Variants in KCNIP4 observed in about 807,000 individuals in gnomAD.
KCNIP4 encodes Kv channel-interacting protein 4.
KCNIP4 carries 12 observed loss-of-function variants against 34.0 expected under a neutral mutation model. The observed-to-expected ratio is 0.35, with a 90% confidence interval of 0.23 to 0.57. The LOEUF (loss-of-function observed/expected upper bound fraction) is 0.57, where lower values mean the gene tolerates loss of function less well. Ranked by LOEUF, KCNIP4 falls within the 20% of genes least tolerant of loss-of-function variation. The probability of loss-of-function intolerance (pLI) is 0.83; values close to 1 mark genes in which losing one functional copy is unlikely to be tolerated. For synonymous variants in KCNIP4, 124 were observed against 102.2 expected, an observed-to-expected ratio of 1.21 and a Z score of -1.29; for missense variants, 238 against 311.7, an observed-to-expected ratio of 0.76 and a Z score of 1.78.
chr4:21,316,107 G>A (rs940706496), intron 1 of KCNIP4, among the ~76,000 whole-genome samples: 1 of 152,130 alleles, frequency 6.6e-6, no homozygotes, highest in African/African-American at 2.4e-5. Context: ...TTGGGTGGAG[G>A]CTTTCATGAG....
At chr4:21,124,117 A>AATAT (rs1553941955) in intron 1 of KCNIP4, among the ~76,000 whole-genome samples, 1 of 152,050 alleles carries the variant, frequency 6.6e-6, no homozygotes, top group African/African-American at 2.4e-5. Flanking sequence ...CATTTTTAAA[A>AATAT]ATATATATAT....
chr4:20,856,898 C>A (rs888768500), intron 2 of KCNIP4, among the ~76,000 whole-genome samples: 3 of 152,164 alleles, frequency 2.0e-5, no homozygotes, highest in African/African-American at 7.2e-5. Flanking sequence ...GGATTAAATT[C>A]TGGGCCTTTG....
chr4:21,481,386 G>A (rs756753595), intron 1 of KCNIP4, among the ~76,000 whole-genome samples: 2 of 152,092 alleles, frequency 1.3e-5, no homozygotes, highest in African/African-American at 4.8e-5. Flanking sequence ...AGGAAGGAAA[G>A]GGGACGCCTG....
rs73802488 is a variant in KCNIP4, at chr4:21,103,264, G to C, written c.62-220555C>G. Among the ~76,000 whole-genome samples, 741 of 147,694 alleles carry C rather than the reference G, an allele frequency of 5.0e-3. 7 individuals are homozygous for C. The highest frequency in any genetic ancestry group is 0.017 in the African/African-American group (674 of 40,472). On this transcript the variant is annotated intron_variant, in intron 1 of 8. Transcript: ENST00000382152. Reference sequence around the variant, plus strand: ...AAAGTTAAGTAAATTTATGTTTCTAGTAGGTTTTTCATGATAATTACATGA... The same window carrying C: ...AAAGTTAAGTAAATTTATGTTTCTACTAGGTTTTTCATGATAATTACATGA...
At chr4:21,306,060 T>C (rs1160897407) in intron 1 of KCNIP4, among the ~76,000 whole-genome samples, 1 of 152,132 alleles carries the variant, frequency 6.6e-6, no homozygotes, top group Non-Finnish European at 1.5e-5. Context: ...ATAATAAAAG[T>C]CATCAATGAT....
chr4:21,839,288 G>A (rs758416843), intron 1 of KCNIP4, among the ~76,000 whole-genome samples: 4 of 152,106 alleles, frequency 2.6e-5, no homozygotes, highest in Non-Finnish European at 5.9e-5. Context: ...TTATCTAAAT[G>A]TAACAATGAT....
At chr4:21,393,716 A>C (rs1444682167) in intron 1 of KCNIP4, among the ~76,000 whole-genome samples, 1 of 151,126 alleles carries the variant, frequency 6.6e-6, no homozygotes, top group Non-Finnish European at 1.5e-5. Context: ...TTAGAATCAC[A>C]CTATGATGTT....
intron 1 of KCNIP4, among the ~76,000 whole-genome samples, chr4:21,269,226 A>C (rs1336822692): frequency 3.3e-5 from 5 of 152,198 alleles, no homozygotes; most frequent in Admixed American, 6.5e-5. Context: ...TGCTAATGAT[A>C]GAAGAGACAG....
intron 1 of KCNIP4, among the ~76,000 whole-genome samples, chr4:21,416,514 A>G (rs1185574842): frequency 6.6e-6 from 1 of 152,224 alleles, no homozygotes; most frequent in Non-Finnish European, 1.5e-5. Flanking sequence ...ACAAAGGAAC[A>G]AGTGGCAATT....
At chr4:21,224,578 GT>G (rs765906146) in intron 1 of KCNIP4, among the ~76,000 whole-genome samples, 903 of 44,860 alleles carry the variant, frequency 0.02, 5 homozygotes, top group African/African-American at 0.049. Context: ...TTTTTCAACT[GT>G]TTTTTTTTTT....
At chr4:20,947,069 C>T (rs532110694) in intron 1 of KCNIP4, among the ~76,000 whole-genome samples, 3 of 152,284 alleles carry the variant, frequency 2.0e-5, no homozygotes, top group East Asian at 1.9e-4. Context: ...CCCCTAAGCT[C>T]CCCTTAGTCT....
intron 1 of KCNIP4, among the ~76,000 whole-genome samples, chr4:20,997,678 A>C (rs1024882098): frequency 6.6e-6 from 1 of 152,152 alleles, no homozygotes; most frequent in Non-Finnish European, 1.5e-5. Flanking sequence ...TGACCATGGC[A>C]TCTACCCAAC....
At chr4:21,217,182 A>G (rs1051904298) in intron 1 of KCNIP4, among the ~76,000 whole-genome samples, 1 of 152,226 alleles carries the variant, frequency 6.6e-6, no homozygotes, top group Non-Finnish European at 1.5e-5. Flanking sequence ...CTGCAGAGCT[A>G]GCATTCAAAA....
At chr4:21,002,854 G>A (rs141832446) in intron 1 of KCNIP4, among the ~76,000 whole-genome samples, 42 of 152,220 alleles carry the variant, frequency 2.8e-4, no homozygotes, top group African/African-American at 9.9e-4. Context: ...TAACCTCTCT[G>A]GCTTCTGTGT....
At chr4:21,555,353 A>T (rs147646198) in intron 1 of KCNIP4, among the ~76,000 whole-genome samples, 56 of 152,236 alleles carry the variant, frequency 3.7e-4, no homozygotes, top group African/African-American at 1.3e-3. Context: ...AAATCTGTGA[A>T]CCATCCCACA....
chr4:21,360,692 C>A (rs1041368495), intron 1 of KCNIP4, among the ~76,000 whole-genome samples: 1 of 151,924 alleles, frequency 6.6e-6, no homozygotes, highest in African/African-American at 2.4e-5. Context: ...CTAAAAATTC[C>A]CCACAGTGCA....
At chr4:20,989,938 C>G (rs538132300) in intron 1 of KCNIP4, among the ~76,000 whole-genome samples, 1 of 152,266 alleles carries the variant, frequency 6.6e-6, no homozygotes, top group African/African-American at 2.4e-5. Flanking sequence ...GCCTGGGCAA[C>G]AGAATGAGAC....
intron 1 of KCNIP4, among the ~76,000 whole-genome samples, chr4:21,272,219 C>T (rs879707104): frequency 5.9e-5 from 9 of 152,032 alleles, no homozygotes; most frequent in African/African-American, 1.4e-4. Flanking sequence ...ATAGCAGTAC[C>T]GACCCCATAA....
At chr4:21,203,479 T>A (rs1756636075) in intron 1 of KCNIP4, among the ~76,000 whole-genome samples, 1 of 152,246 alleles carries the variant, frequency 6.6e-6, no homozygotes, top group Admixed American at 6.5e-5. Flanking sequence ...TCTACTTTGA[T>A]TCCAACTGAG....
Sources: gnomAD v4.1 joint callset for allele counts (sites outside exome capture counted in the v4.1 genomes callset) on GRCh38, gnomAD v4.1.1 for gene constraint, MANE v1.5 for transcripts, NCBI Gene and HGNC (gene_info 2026-07-23, HGNC 2026-07-21) for gene names.